The following EPC2 variants were observed in gnomAD, a reference collection of about 807,000 sequenced individuals.
The protein encoded by EPC2 is enhancer of polycomb 2.
Under a neutral mutation model 92.1 loss-of-function variants are expected in EPC2, and 14 were observed. The observed-to-expected ratio is 0.15, with a 90% CI of 0.10 to 0.24. The LOEUF (loss-of-function observed/expected upper bound fraction) is 0.24. Among genes scored for constraint, EPC2 ranks in the 10% least tolerant of loss-of-function variants. EPC2 has a pLI of 1.00. For synonymous variants in EPC2, 340 were observed against 334.7 expected (o/e 1.02, Z -0.17); for missense variants, 755 against 971.5 (o/e 0.78, Z 2.96).
At chr2:148,662,495 T>C (rs570947500) in intron 1 of EPC2, among the ~76,000 whole-genome samples, 26 of 152,178 alleles carry the variant, frequency 1.7e-4, no homozygotes, top group African/African-American at 6.3e-4. Context: ...CCATAAAAAA[T>C]GATGAGTTCA....
intron 1 of EPC2, among the ~76,000 whole-genome samples, chr2:148,680,730 G>T (rs1045548977): frequency 1.2e-4 from 19 of 152,200 alleles, no homozygotes; most frequent in Admixed American, 1.2e-3. Flanking sequence ...GGAATCTGAT[G>T]AAGAAAATGG....
At position 148,657,859 on chromosome 2, in the gene EPC2, A is replaced by G. The variant is rs187730357; in HGVS notation, c.153+12689A>G. Among the ~76,000 whole-genome samples the G allele has an allele frequency of 6.4e-3, 967 of 150,946 alleles. 9 individuals are homozygous for G. The highest frequency in any genetic ancestry group is 0.022 in the African/African-American group (918 of 41,132). On this transcript the variant is annotated intron_variant, in intron 1 of 13. Transcript: ENST00000258484. ...TTGTGGTCTAATTTATTGGCTTTCA[A>G]ATGTTTTTTTGACTATCACTCATTT...
chr2:148,783,483 C>T, intron 11 of EPC2, 114 bp from the exon 12 acceptor site: 1 of 978,482 alleles, frequency 1.0e-6, no homozygotes, highest in Non-Finnish European at 1.5e-6. Context: ...AATCTAAACA[C>T]TTGTAATTGT....
At chr2:148,662,793 T>C (rs894653600) in intron 1 of EPC2, among the ~76,000 whole-genome samples, 3 of 148,308 alleles carry the variant, frequency 2.0e-5, no homozygotes, top group Middle Eastern at 3.4e-3. Flanking sequence ...ATTGTGCACA[T>C]GTACCCTAAA....
intron 2 of EPC2, chr2:148,692,771 A>T (rs1172047693): frequency 6.6e-6 from 1 of 152,230 alleles, no homozygotes; most frequent in Non-Finnish European, 1.5e-5. Context: ...GAAACCAAGA[A>T]CTAAAAATCG....
At position 148,678,183 on chromosome 2, in the gene EPC2, G is replaced by C. The variant is rs543044051; in HGVS notation, c.154-12031G>C. 1.9e-3 allele frequency among the ~76,000 whole-genome samples: 282 copies of C among 152,278 alleles called. 3 individuals are homozygous for C. The highest frequency in any genetic ancestry group is 3.1e-3 in the Non-Finnish European group (214 of 68,016). ...AGCTAGATACAGAGTGTTGATTGGT[G>C]CATTCACAAACCTTGAGCTAGACAC... is the stretch of plus-strand genomic sequence containing the variant. On this transcript the variant is annotated intron_variant, in intron 1 of 13. Coordinates refer to ENST00000258484, the MANE Select transcript of EPC2 (RefSeq NM_015630.4).
At chr2:148,689,063 C>G (rs1182559950) in intron 1 of EPC2, among the ~76,000 whole-genome samples, 3 of 152,102 alleles carry the variant, frequency 2.0e-5, no homozygotes. Flanking sequence ...ATTTTGAAAG[C>G]AGACCGTTTG....
chr2:148,735,917 T>A (rs1682743652), intron 2 of EPC2, among the ~76,000 whole-genome samples: 1 of 152,142 alleles, frequency 6.6e-6, no homozygotes, highest in Admixed American at 6.5e-5. Flanking sequence ...TATAGCTGGT[T>A]AATCAGTCTC....
intron 13 of EPC2, 64 bp downstream of exon 13, chr2:148,785,065 A>G: frequency 7.5e-7 from 1 of 1,327,974 alleles, no homozygotes; most frequent in Non-Finnish European, 1.0e-6. Context: ...GAAGAAAAAG[A>G]CTTTTTTTTA....
intron 6 of EPC2, among the ~76,000 whole-genome samples, chr2:148,764,035 C>T (rs1231807239): frequency 6.6e-6 from 1 of 152,024 alleles, no homozygotes; most frequent in Non-Finnish European, 1.5e-5. Context: ...GTCATGTATC[C>T]CACTTTAAAA....
intron 4 of EPC2, 55 bp from the exon 5 acceptor site, chr2:148,761,727 C>A: frequency 8.0e-7 from 1 of 1,244,934 alleles, no homozygotes; most frequent in Non-Finnish European, 1.1e-6. Context: ...TTGAATAAAG[C>A]CGGAAATGTA....
chr2:148,696,042 G>A (rs978109916), intron 2 of EPC2, among the ~76,000 whole-genome samples: 2 of 152,230 alleles, frequency 1.3e-5, no homozygotes, highest in African/African-American at 4.8e-5. Flanking sequence ...CTGCAACCGT[G>A]TCCTATTCTT....
intron 11 of EPC2, among the ~76,000 whole-genome samples, chr2:148,782,442 C>G (rs1220098709): frequency 6.6e-6 from 1 of 151,968 alleles, no homozygotes; most frequent in African/African-American, 2.4e-5. Context: ...GAGGCTGAGG[C>G]ATGAGAATCG....
chr2:148,669,377 G>A (rs78681768), intron 1 of EPC2, among the ~76,000 whole-genome samples: 3,805 of 152,156 alleles, frequency 0.025, 60 homozygotes, highest in Non-Finnish European at 0.036. Context: ...TCTGGGATGC[G>A]GTTAAGTTAC....
chr2:148,705,309 T>C (rs1681970894), intron 2 of EPC2, among the ~76,000 whole-genome samples: 1 of 152,048 alleles, frequency 6.6e-6, no homozygotes, highest in Non-Finnish European at 1.5e-5. Context: ...AAAAAAAAAC[T>C]CTTACTTTCC....
intron 2 of EPC2, among the ~76,000 whole-genome samples, chr2:148,742,784 CAAAAA>C (rs5835210): frequency 1.5e-5 from 2 of 135,104 alleles, no homozygotes. Context: ...GACCTTGCCT[CAAAAA>C]AAAAAAAAAA....
chr2:148,699,465 A>G (rs941915133), intron 2 of EPC2, among the ~76,000 whole-genome samples: 8 of 152,180 alleles, frequency 5.3e-5, no homozygotes, highest in South Asian at 2.1e-4. Context: ...CCAGGCAACC[A>G]CTGATCTTTT....
rs1683827009 is a variant in EPC2, at chr2:148,784,652, C to A, written c.2018-16C>A. The A allele has an allele frequency of 6.5e-7, 1 of 1,548,106 alleles. No homozygotes were observed. Among genetic ancestry groups the A allele is most frequent in the African/African-American group, 1.4e-5 (1 of 72,818 alleles). ...ATGTCTCATGATACTAGTTGAATGA[C>A]TTCTTTCTTTTTCAGGAACCTCTAA... On this transcript the variant is annotated splice_polypyrimidine_tract_variant and intron_variant, in intron 12 of 13. Transcript: ENST00000258484.
intron 2 of EPC2, among the ~76,000 whole-genome samples, chr2:148,741,105 A>ATGAATC (rs948193500): frequency 1.3e-5 from 2 of 152,188 alleles, no homozygotes; most frequent in Admixed American, 1.3e-4. Flanking sequence ...AATATTTTAA[A>ATGAATC]TGAATCATAC....
Sources: gnomAD v4.1 joint callset for allele counts (sites outside exome capture counted in the v4.1 genomes callset) on GRCh38, gnomAD v4.1.1 for gene constraint, MANE v1.5 for transcripts, NCBI Gene and HGNC (gene_info 2026-07-23, HGNC 2026-07-21) for gene names.